The following TRPS1 variants were observed in gnomAD, a reference collection of about 807,000 sequenced individuals.
TRPS1 encodes zinc finger transcription factor Trps1.
A neutral mutation model predicts 101.2 loss-of-function variants in TRPS1; 6 were observed. That is an observed-to-expected ratio of 0.06 (90% confidence interval 0.03 to 0.12). The LOEUF (loss-of-function observed/expected upper bound fraction) is 0.12. TRPS1 is among the 10% of genes least tolerant of loss of function. TRPS1 has a pLI of 1.00. For synonymous variants in TRPS1, 578 were observed against 589.8 expected, an observed-to-expected ratio of 0.98 and a Z score of 0.29; for missense variants, 1,363 against 1,567.0, an observed-to-expected ratio of 0.87 and a Z score of 2.20.
chr8:115,662,104 A>G (rs910455247), intron 1 of TRPS1, among the ~76,000 whole-genome samples: 1 of 152,054 alleles, frequency 6.6e-6, no homozygotes, highest in African/African-American at 2.4e-5. Context: ...TAAAGAAGCC[A>G]TAAGCAAAAA....
chr8:115,559,293 G>C (rs1490668028), intron 5 of TRPS1, among the ~76,000 whole-genome samples: 4 of 152,042 alleles, frequency 2.6e-5, no homozygotes, highest in Non-Finnish European at 4.4e-5. Flanking sequence ...AAAAGTGAGA[G>C]TACATTATTC....
intron 5 of TRPS1, among the ~76,000 whole-genome samples, chr8:115,458,317 A>C (rs1814080542): frequency 6.6e-6 from 1 of 152,180 alleles, no homozygotes; most frequent in Non-Finnish European, 1.5e-5. Context: ...AATCTCTCTT[A>C]AGTGAGTATT....
At position 115,604,943 on chromosome 8, in the gene TRPS1, G is replaced by T. The variant is rs1407182463; in HGVS notation, c.1026C>A (p.Asn342Lys). ...IGRKTPDCQGNTKYFRCKFCN... is the reference protein window; with the variant it reads ...IGRKTPDCQGKTKYFRCKFCN... ...AGAATTTACAGCGGAAATACTTGGT[G>T]TTCCCTTGGCAATCTGGTGTTTTCC... The change falls in exon 4 of 7, where the codon AAC (asparagine) becomes AAA (lysine). Residue 342 changes from asparagine (N) to lysine (K), a missense_variant. By Grantham distance (94) the Asn-to-Lys change is moderately conservative. This residue lies in a region of TRPS1 where 1,020 missense variants were observed against 1,073.0 expected (regional missense o/e 0.95). Transcript: ENST00000395715. This position sits in a 1 kb window ranked among gnomAD's most constrained non-coding sequence, Gnocchi z 4.1. The T allele has an allele frequency of 6.2e-7, 1 of 1,614,020 alleles. No homozygotes were observed. The highest frequency in any genetic ancestry group is 1.1e-5 in the South Asian group (1 of 91,080).
At chr8:115,606,371 A>T (rs1818038439) in intron 3 of TRPS1, among the ~76,000 whole-genome samples, 1 of 152,236 alleles carries the variant, frequency 6.6e-6, no homozygotes, top group Non-Finnish European at 1.5e-5. Context: ...ATTTATGTCC[A>T]GTATTATAGT....
chr8:115,606,417 C>T (rs575387124), intron 3 of TRPS1, among the ~76,000 whole-genome samples: 3 of 152,302 alleles, frequency 2.0e-5, no homozygotes, highest in African/African-American at 4.8e-5. Flanking sequence ...AACAACTCAA[C>T]ATTTACTGTA....
chr8:115,586,666 G>A (rs1231444079), intron 5 of TRPS1, among the ~76,000 whole-genome samples: 4 of 152,128 alleles, frequency 2.6e-5, no homozygotes, highest in Non-Finnish European at 4.4e-5. Context: ...TTTCAGTGTA[G>A]CAGATGTACA....
At chr8:115,538,482 A>T (rs1308336065) in intron 5 of TRPS1, among the ~76,000 whole-genome samples, 1 of 152,070 alleles carries the variant, frequency 6.6e-6, no homozygotes, top group Non-Finnish European at 1.5e-5. Context: ...GTATTTTTGG[A>T]CATTTTTTGC....
chr8:115,499,133 T>G (rs1815239687), intron 5 of TRPS1, among the ~76,000 whole-genome samples: 1 of 152,222 alleles, frequency 6.6e-6, no homozygotes, highest in South Asian at 2.1e-4. Flanking sequence ...AAAGAGCAGA[T>G]GAAGAGCTAC....
Position 115,418,245 on chromosome 8 carries a change from G to A in TRPS1, c.2823+85C>T. On this transcript the variant is annotated intron_variant, in intron 6 of 6. Transcript: ENST00000395715. This position sits in a 1 kb window ranked among gnomAD's most constrained non-coding sequence, Gnocchi z 4.3. ...AACCCTGCGGGGGCAGGCACTGCAA[G>A]CCAGGGAATGGGACTTATCACACCA... 6.2e-7 allele frequency: 1 copy of A among 1,610,854 alleles called. No homozygotes were observed. The highest frequency in any genetic ancestry group is 8.5e-7 in the Non-Finnish European group (1 of 1,177,848).
intron 5 of TRPS1, among the ~76,000 whole-genome samples, chr8:115,533,443 T>C (rs1023407619): frequency 7.7e-6 from 1 of 129,358 alleles, no homozygotes; most frequent in African/African-American, 3.1e-5. Flanking sequence ...TCTGTTTTTT[T>C]TTTTTTTTTT....
At chr8:115,540,518 T>G (rs1816427176) in intron 5 of TRPS1, among the ~76,000 whole-genome samples, 1 of 152,146 alleles carries the variant, frequency 6.6e-6, no homozygotes, top group African/African-American at 2.4e-5. Context: ...TAGCATTTCT[T>G]GATCTTCCAT....
chr8:115,596,050 G>C (rs954026815), intron 4 of TRPS1, among the ~76,000 whole-genome samples: 2 of 151,984 alleles, frequency 1.3e-5, no homozygotes, highest in African/African-American at 4.8e-5. Context: ...GATAGAGATT[G>C]AGCAGGAGCT....
At chr8:115,478,122 A>T (rs1195583985) in intron 5 of TRPS1, among the ~76,000 whole-genome samples, 1 of 152,156 alleles carries the variant, frequency 6.6e-6, no homozygotes, top group African/African-American at 2.4e-5. Flanking sequence ...TAAAATTCTG[A>T]TCTATATTGC....
At chr8:115,666,551 A>ATT (rs952505668) in intron 1 of TRPS1, among the ~76,000 whole-genome samples, 3 of 152,158 alleles carry the variant, frequency 2.0e-5, no homozygotes, top group Non-Finnish European at 4.4e-5. Flanking sequence ...TTTCATTCTC[A>ATT]TTTTGTCCAC....
intron 5 of TRPS1, among the ~76,000 whole-genome samples, chr8:115,561,359 T>C (rs1346458976): frequency 1.3e-5 from 2 of 152,002 alleles, no homozygotes; most frequent in Non-Finnish European, 2.9e-5. Context: ...TACAAGGCTG[T>C]GAAATTCAAT....
chr8:115,564,041 A>G (rs1563606607), intron 5 of TRPS1, among the ~76,000 whole-genome samples: 1 of 152,144 alleles, frequency 6.6e-6, no homozygotes, highest in African/African-American at 2.4e-5. Flanking sequence ...CAGTTCTTGC[A>G]GTGAACAGTG....
At chr8:115,448,061 G>A (rs1813780646) in intron 5 of TRPS1, among the ~76,000 whole-genome samples, 1 of 152,042 alleles carries the variant, frequency 6.6e-6, no homozygotes, top group Non-Finnish European at 1.5e-5. Flanking sequence ...ACATACCAAA[G>A]AAGATATATA....
chr8:115,587,387 G>A lies in TRPS1; in HGVS notation c.2314C>T (p.Pro772Ser), dbSNP rs781117130. Residue 772 changes from proline to serine, a missense_variant, in exon 5 of 7, where the codon CCA (proline) becomes TCA (serine). Pro to Ser is a moderately conservative substitution (Grantham distance 74). Coordinates refer to ENST00000395715, the MANE Select transcript of TRPS1 (RefSeq NM_014112.5). ...CTCTTCACCACACTCTCAGAAACTGGCTCTCCCATTTTAGAGTCTGGAGTT... is the reference window on the plus strand; with the variant it reads ...CTCTTCACCACACTCTCAGAAACTGACTCTCCCATTTTAGAGTCTGGAGTT... ...LLTPDSKMGEPVSESVVKREK... is the reference protein window; with the variant it reads ...LLTPDSKMGESVSESVVKREK... 2.5e-6 allele frequency: 4 copies of A among 1,614,162 alleles called. No homozygotes were observed. The highest frequency in any genetic ancestry group is 3.4e-6 in the Non-Finnish European group (4 of 1,180,022).
chr8:115,409,273 A>AAAAAAAAAC lies in TRPS1; in HGVS notation c.*4741_*4749dup, dbSNP rs1205141868. 1.6e-4 allele frequency: 23 copies of AAAAAAAAAC among 146,026 alleles called. No homozygotes were observed. The highest frequency in any genetic ancestry group is 4.0e-4 in the Admixed American group (6 of 14,846). 9.0% of individuals were successfully genotyped at this position (146,026 alleles called of 1,614,324 possible). A position where few individuals can be genotyped will look rare whatever the true frequency, so the allele number is the denominator to read the frequency against. On this transcript the variant is annotated 3_prime_UTR_variant, in exon 7 of 7. Transcript: ENST00000395715. ...GTTTATATGTTGGGAAAAAAAAAAA[A>AAAAAAAAAC]AAAAAAAACAGGGGAAAACCAGAAT...
Sources: gnomAD v4.1 joint callset for allele counts (sites outside exome capture counted in the v4.1 genomes callset) on GRCh38, gnomAD v4.1.1 for gene constraint, gnomAD v4.1.1 regional missense constraint, Gnocchi (gnomAD v3.1) non-coding constraint, MANE v1.5 for transcripts, NCBI Gene and HGNC (gene_info 2026-07-23, HGNC 2026-07-21) for gene names.